The following MAGI2 variants were observed in gnomAD, a reference collection of about 807,000 sequenced individuals.
The protein encoded by MAGI2 is membrane-associated guanylate kinase, WW and PDZ domain-containing protein 2.
In MAGI2, 35 loss-of-function variants were observed where a neutral mutation model predicts 133.3. That is an observed-to-expected ratio of 0.26 (90% CI 0.20 to 0.35). The LOEUF (loss-of-function observed/expected upper bound fraction) is 0.35, where lower values mean the gene tolerates loss of function less well. Among genes scored for constraint, MAGI2 ranks in the 10% least tolerant of loss-of-function variants. The probability of loss-of-function intolerance (pLI) is 1.00; values close to 1 mark genes in which losing one functional copy is unlikely to be tolerated. For synonymous variants in MAGI2, 729 were observed against 710.6 expected (o/e 1.03, Z -0.41); for missense variants, 1,636 against 1,863.4 (o/e 0.88, Z 2.25).
intron 1 of MAGI2, among the ~76,000 whole-genome samples, chr7:79,206,387 A>G (rs1190820040): frequency 1.3e-5 from 2 of 151,754 alleles, no homozygotes; most frequent in Non-Finnish European, 2.9e-5. Context: ...TAAAAAAGAG[A>G]CATTACAGCT....
At chr7:78,853,332 CT>C (rs60580466) in intron 2 of MAGI2, among the ~76,000 whole-genome samples, 82 of 25,032 alleles carry the variant, frequency 3.3e-3, no homozygotes, top group Non-Finnish European at 4.3e-3. Flanking sequence ...TCCATTCGTT[CT>C]TTTTTTTTTT....
chr7:78,915,555 T>G (rs1798725937), intron 2 of MAGI2, among the ~76,000 whole-genome samples: 1 of 152,032 alleles, frequency 6.6e-6, no homozygotes, highest in African/African-American at 2.4e-5. Flanking sequence ...TAGGTATAAA[T>G]TTTTTTCAAA....
At chr7:78,646,165 T>C (rs1810870725) in intron 2 of MAGI2, among the ~76,000 whole-genome samples, 1 of 152,168 alleles carries the variant, frequency 6.6e-6, no homozygotes, top group African/African-American at 2.4e-5. Flanking sequence ...ATGGAGGAGA[T>C]TCAATTGTAT....
chr7:78,490,503 T>C (rs1261742334), intron 5 of MAGI2, among the ~76,000 whole-genome samples: 4 of 152,110 alleles, frequency 2.6e-5, no homozygotes, highest in Admixed American at 2.0e-4. Flanking sequence ...AAAAATGTTT[T>C]CTTGTAAGAG....
At chr7:79,193,483 A>G (rs1286854410) in intron 1 of MAGI2, among the ~76,000 whole-genome samples, 3 of 151,990 alleles carry the variant, frequency 2.0e-5, no homozygotes, top group Non-Finnish European at 2.9e-5. Flanking sequence ...TACAAACTAC[A>G]TATTATGAGT....
At chr7:78,449,359 C>A (rs1405150719) in intron 6 of MAGI2, among the ~76,000 whole-genome samples, 13 of 152,008 alleles carry the variant, frequency 8.6e-5, no homozygotes, top group Non-Finnish European at 1.9e-4. Context: ...TTAATATTTT[C>A]TTTGAATTGA....
chr7:78,888,448 C>G (rs1374717377), intron 2 of MAGI2, among the ~76,000 whole-genome samples: 2 of 152,186 alleles, frequency 1.3e-5, no homozygotes, highest in East Asian at 1.9e-4. Flanking sequence ...GGGTCCCTGA[C>G]CCCTGAGTAG....
intron 2 of MAGI2, among the ~76,000 whole-genome samples, chr7:78,724,238 A>T (rs1412993160): frequency 6.6e-6 from 1 of 152,182 alleles, no homozygotes; most frequent in African/African-American, 2.4e-5. Context: ...GCCTGGGGAC[A>T]TCTCTTTCCC....
At chr7:79,197,205 C>T (rs1033875994) in intron 1 of MAGI2, among the ~76,000 whole-genome samples, 2 of 151,892 alleles carry the variant, frequency 1.3e-5, no homozygotes, top group African/African-American at 2.4e-5. Context: ...GGACAGCCAT[C>T]CTGTTGCCTC....
At chr7:78,206,261 C>T (rs1018766796) in intron 10 of MAGI2, among the ~76,000 whole-genome samples, 1 of 151,512 alleles carries the variant, frequency 6.6e-6, no homozygotes, top group Non-Finnish European at 1.5e-5. Flanking sequence ...TTTGGCATAA[C>T]ACCAAGACAA....
intron 1 of MAGI2, among the ~76,000 whole-genome samples, chr7:79,407,194 C>G (rs191317584): frequency 1.1e-3 from 161 of 152,190 alleles, no homozygotes; most frequent in African/African-American, 3.8e-3. Flanking sequence ...TTTGTAAAAC[C>G]TTGACCTGAT....
intron 2 of MAGI2, among the ~76,000 whole-genome samples, chr7:78,784,000 A>G (rs1826605142): frequency 6.6e-6 from 1 of 152,166 alleles, no homozygotes; most frequent in Non-Finnish European, 1.5e-5. Flanking sequence ...TAATCAGGAA[A>G]AAAAGAAGTT....
intron 1 of MAGI2, among the ~76,000 whole-genome samples, chr7:79,082,870 T>C (rs909368976): frequency 5.3e-5 from 8 of 151,920 alleles, no homozygotes; most frequent in African/African-American, 1.9e-4. Context: ...TATTTAGGTC[T>C]TCTTTTACTT....
chr7:78,185,600 C>T, intron 13 of MAGI2, 29 bp downstream of exon 13: 1 of 1,525,034 alleles, frequency 6.6e-7, no homozygotes, highest in Non-Finnish European at 8.9e-7. Flanking sequence ...GTTTTGTTCA[C>T]AGAACTGTGA....
At chr7:78,032,521 T>C (rs1809698801) in intron 21 of MAGI2, among the ~76,000 whole-genome samples, 1 of 152,196 alleles carries the variant, frequency 6.6e-6, no homozygotes, top group Non-Finnish European at 1.5e-5. Flanking sequence ...AGCCAACAAC[T>C]ATTTATTCAG....
intron 2 of MAGI2, among the ~76,000 whole-genome samples, chr7:78,641,860 G>A (rs562780456): frequency 1.3e-5 from 2 of 152,260 alleles, no homozygotes; most frequent in African/African-American, 4.8e-5. Context: ...GAAATTGCCA[G>A]GGGAAATACG....
chr7:78,459,690 G>A (rs1464581368), intron 6 of MAGI2, among the ~76,000 whole-genome samples: 3 of 152,132 alleles, frequency 2.0e-5, no homozygotes, highest in Non-Finnish European at 4.4e-5. Context: ...TTACTCAAAT[G>A]TTTTTCAGCT....
chr7:78,225,352 G>A (rs1350907593), intron 10 of MAGI2, among the ~76,000 whole-genome samples: 2 of 146,958 alleles, frequency 1.4e-5, no homozygotes, highest in Non-Finnish European at 3.0e-5. Flanking sequence ...TTTATTTATA[G>A]ATAATTTTTT....
At chr7:78,697,844 T>A (rs73147039) in intron 2 of MAGI2, among the ~76,000 whole-genome samples, 1 of 152,160 alleles carries the variant, frequency 6.6e-6, no homozygotes, top group African/African-American at 2.4e-5. Context: ...AAATGATGAA[T>A]ACACTTTTTG....
Sources: gnomAD v4.1 joint callset for allele counts (sites outside exome capture counted in the v4.1 genomes callset) on GRCh38, gnomAD v4.1.1 for gene constraint, MANE v1.5 for transcripts, NCBI Gene and HGNC (gene_info 2026-07-23, HGNC 2026-07-21) for gene names.